DOCK2: variants seen among roughly 807,000 people sequenced by gnomAD.
DOCK2 encodes the protein dedicator of cytokinesis 2.
In DOCK2, 87 loss-of-function variants were observed where a neutral mutation model predicts 248.9. That is an observed-to-expected ratio of 0.35 (90% CI 0.29 to 0.42). The LOEUF (loss-of-function observed/expected upper bound fraction) is 0.42. Among genes scored for constraint, DOCK2 ranks in the 10% least tolerant of loss-of-function variants. DOCK2 has a pLI of 1.00. For synonymous variants in DOCK2, 805 were observed against 821.6 expected, an observed-to-expected ratio of 0.98 and a Z score of 0.35; for missense variants, 1,747 against 2,300.2, an observed-to-expected ratio of 0.76 and a Z score of 4.92.
At chr5:170,023,070 T>C (rs1755784637) in intron 33 of DOCK2, among the ~76,000 whole-genome samples, 1 of 152,104 alleles carries the variant, frequency 6.6e-6, no homozygotes. Flanking sequence ...TGGATGCTAT[T>C]GGTGGGAATG....
intron 33 of DOCK2, among the ~76,000 whole-genome samples, chr5:170,027,490 T>C: frequency 6.6e-6 from 1 of 152,222 alleles, no homozygotes; most frequent in Non-Finnish European, 1.5e-5. Flanking sequence ...TGGTGCTGTC[T>C]TCTTGGAATG....
intron 1 of DOCK2, among the ~76,000 whole-genome samples, chr5:169,642,920 C>T (rs1294831699): frequency 6.6e-6 from 1 of 151,984 alleles, no homozygotes; most frequent in Non-Finnish European, 1.5e-5. Flanking sequence ...CATACTGCTC[C>T]GCTAATTTCT....
intron 19 of DOCK2, 30 bp from the exon 20 acceptor site, chr5:169,716,183 A>T: frequency 6.2e-7 from 1 of 1,603,040 alleles, no homozygotes; most frequent in Non-Finnish European, 8.5e-7. Context: ...CTTGTTTCTG[A>T]AGTAGTGCAA....
At chr5:170,073,152 G>C (rs1757734849) in intron 46 of DOCK2, among the ~76,000 whole-genome samples, 1 of 152,174 alleles carries the variant, frequency 6.6e-6, no homozygotes, top group Admixed American at 6.5e-5. Flanking sequence ...ACATTTAGGT[G>C]TATGATCCTT....
intron 2 of DOCK2, among the ~76,000 whole-genome samples, chr5:169,664,368 CT>C (rs1225514352): frequency 6.6e-5 from 10 of 152,192 alleles, no homozygotes; most frequent in Non-Finnish European, 4.4e-5. Context: ...ATCTTTCTAT[CT>C]TTTTCTGAGC....
At chr5:169,732,811 T>C (rs920613422) in intron 22 of DOCK2, among the ~76,000 whole-genome samples, 1 of 152,224 alleles carries the variant, frequency 6.6e-6, no homozygotes, top group Admixed American at 6.5e-5. Flanking sequence ...CTTCCTACAG[T>C]CTATTCTCTA....
chr5:170,072,466 G>A (rs905719111), intron 46 of DOCK2, among the ~76,000 whole-genome samples: 2 of 152,204 alleles, frequency 1.3e-5, no homozygotes, highest in African/African-American at 4.8e-5. Context: ...TTCAGGTGTT[G>A]TATATTATGA....
chr5:169,717,029 GATTA>G (rs745352825), intron 20 of DOCK2, among the ~76,000 whole-genome samples: 3 of 152,142 alleles, frequency 2.0e-5, no homozygotes, highest in Non-Finnish European at 4.4e-5. Flanking sequence ...TATATACTTT[GATTA>G]ATTAATTTAG....
intron 40 of DOCK2, among the ~76,000 whole-genome samples, chr5:170,048,190 G>A (rs780367098): frequency 6.6e-6 from 1 of 152,136 alleles, no homozygotes. Flanking sequence ...TCAGGAGTTC[G>A]AGACCAGCCT....
intron 14 of DOCK2, among the ~76,000 whole-genome samples, chr5:169,703,403 G>C (rs570352177): frequency 1.4e-4 from 22 of 152,236 alleles, no homozygotes; most frequent in Admixed American, 1.2e-3. Context: ...TTTACAGATA[G>C]GGAAACAAAA....
At chr5:169,944,543 G>A (rs559813155) in intron 27 of DOCK2, among the ~76,000 whole-genome samples, 2 of 152,182 alleles carry the variant, frequency 1.3e-5, no homozygotes, top group Admixed American at 6.5e-5. Flanking sequence ...AAACTCCCCC[G>A]TCCTCAGTGG....
At chr5:169,864,236 C>G in intron 27 of DOCK2, 5 of 1,519,214 alleles carry the variant, frequency 3.3e-6, no homozygotes, top group Non-Finnish European at 4.5e-6. Context: ...CAGGGAAGTG[C>G]GTGGAGTTGG....
At chr5:169,869,444 G>C (rs933477826) in intron 27 of DOCK2, among the ~76,000 whole-genome samples, 1 of 152,160 alleles carries the variant, frequency 6.6e-6, no homozygotes, top group East Asian at 1.9e-4. Context: ...TGTTTTTTAG[G>C]CCAAAGCAAT....
chr5:169,871,772 C>T (rs1771992543), intron 27 of DOCK2, among the ~76,000 whole-genome samples: 1 of 152,160 alleles, frequency 6.6e-6, no homozygotes, highest in Non-Finnish European at 1.5e-5. Flanking sequence ...TGGAACCAGA[C>T]CTAAACTAGG....
intron 35 of DOCK2, 112 bp from the exon 36 acceptor site, chr5:170,036,403 A>C: frequency 3.8e-6 from 4 of 1,057,518 alleles, no homozygotes; most frequent in Non-Finnish European, 5.6e-6. Flanking sequence ...TTCCTATCTC[A>C]GGGTACCCAG....
chr5:169,859,958 C>CTTTTTTT (rs759586059), intron 27 of DOCK2, among the ~76,000 whole-genome samples: 2 of 107,220 alleles, frequency 1.9e-5, no homozygotes, highest in Non-Finnish European at 3.6e-5. Context: ...GTGGATCCTT[C>CTTTTTTT]TTTTTTTTTT....
intron 27 of DOCK2, among the ~76,000 whole-genome samples, chr5:169,893,001 C>G (rs1013478561): frequency 2.0e-5 from 3 of 152,116 alleles, no homozygotes; most frequent in Admixed American, 2.0e-4. Flanking sequence ...TCCTCTTTTC[C>G]ACACCCTGCC....
Position 169,841,447 on chromosome 5 carries a change from A to G in DOCK2, c.2799+595A>G, listed in dbSNP as rs187415819. 8.7e-4 allele frequency: 856 copies of G among 985,626 alleles called. 8 individuals are homozygous for G. In the African/African-American group the frequency reaches 0.014, roughly 16 times the overall value. 61.1% of individuals were successfully genotyped at this position (985,626 alleles called of 1,614,324 possible). On this transcript the variant is annotated intron_variant, in intron 27 of 51. Transcript: ENST00000520908. ...CCTCTGCCCATCGTGCTTTAAACCA[A>G]GGACCCAAAATTCAAATGCTTTCAG...
In DOCK2 at chr5:169,706,827, C is replaced by T. The variant is rs116699710; in HGVS notation, c.1384-1342C>T. Among the ~76,000 whole-genome samples, 1,440 of 152,308 alleles carry T rather than the reference C, an allele frequency of 9.5e-3. 20 individuals are homozygous for T. The highest frequency in any genetic ancestry group is 0.033 in the African/African-American group (1,371 of 41,564). ...CTGAGCTCATTCCTTTTCCATACCT[C>T]GGAAGCACAAGGGGAGATTTCCAGT... is the stretch of plus-strand genomic sequence containing the variant. On this transcript the variant is annotated intron_variant, in intron 14 of 51. Coordinates refer to ENST00000520908, the MANE Select transcript of DOCK2 (RefSeq NM_004946.3).
Sources: allele counts gnomAD v4.1 joint callset (sites outside exome capture counted in the v4.1 genomes callset), GRCh38; gene constraint gnomAD v4.1.1; transcripts MANE v1.5; gene names NCBI Gene and HGNC (gene_info 2026-07-23, HGNC 2026-07-21).